The following CAPZB variants were observed in gnomAD, a reference collection of about 807,000 sequenced individuals.
The protein encoded by CAPZB is F-actin-capping protein subunit beta.
CAPZB carries 2 observed loss-of-function variants against 38.1 expected under a neutral mutation model. That is an observed-to-expected ratio of 0.05 (90% CI 0.02 to 0.17). CAPZB has a LOEUF of 0.17. Among genes scored for constraint, CAPZB ranks in the 10% least tolerant of loss-of-function variants. The probability of loss-of-function intolerance (pLI) is 1.00; values close to 1 mark genes in which losing one functional copy is unlikely to be tolerated. For synonymous variants in CAPZB, 107 were observed against 127.4 expected, an observed-to-expected ratio of 0.84 and a Z score of 1.08; for missense variants, 161 against 334.2, an observed-to-expected ratio of 0.48 and a Z score of 4.04.
chr1:19,365,782 C>T (rs1488975349), intron 4 of CAPZB, among the ~76,000 whole-genome samples: 1 of 151,500 alleles, frequency 6.6e-6, no homozygotes, highest in African/African-American at 2.4e-5. Flanking sequence ...TGCGGTGAGC[C>T]GAGATCATGC....
At chr1:19,354,037 A>T (rs751306926) in intron 6 of CAPZB, among the ~76,000 whole-genome samples, 5 of 152,228 alleles carry the variant, frequency 3.3e-5, no homozygotes, top group African/African-American at 4.8e-5. Context: ...GGCACAGAGG[A>T]CGAATTAAGA....
intron 4 of CAPZB, among the ~76,000 whole-genome samples, chr1:19,373,438 A>G (rs1250357042): frequency 6.6e-6 from 1 of 152,190 alleles, no homozygotes; most frequent in Admixed American, 6.5e-5. Flanking sequence ...AACTCCCTAC[A>G]AAGTCAGAGC....
chr1:19,439,989 C>T (rs999558881), intron 1 of CAPZB, among the ~76,000 whole-genome samples: 7 of 152,266 alleles, frequency 4.6e-5, no homozygotes, highest in East Asian at 3.9e-4. Flanking sequence ...ACAAAGAGAG[C>T]GGGACAGGAC....
intron 4 of CAPZB, among the ~76,000 whole-genome samples, chr1:19,363,743 G>A (rs1490566704): frequency 1.3e-5 from 2 of 152,108 alleles, no homozygotes; most frequent in Non-Finnish European, 2.9e-5. Flanking sequence ...GGCCAACACG[G>A]GGCTGCAAAT....
At chr1:19,375,860 C>A (rs1320270905) in intron 4 of CAPZB, among the ~76,000 whole-genome samples, 4 of 152,196 alleles carry the variant, frequency 2.6e-5, no homozygotes, top group Non-Finnish European at 4.4e-5. Flanking sequence ...TCCCACTTGT[C>A]CTATAGTCAC....
At chr1:19,447,272 C>CTTTTTTTTT (rs35692222) in intron 1 of CAPZB, among the ~76,000 whole-genome samples, 7 of 74,888 alleles carry the variant, frequency 9.3e-5, no homozygotes, top group East Asian at 4.5e-4. Flanking sequence ...CAGACCTAAT[C>CTTTTTTTTT]TTTTTTTTTT....
Position 19,461,343 on chromosome 1 carries a change from T to C in CAPZB, c.3+24093A>G, listed in dbSNP as rs570879685. Among the ~76,000 whole-genome samples, 46 of 152,332 alleles carry C rather than the reference T, an allele frequency of 3.0e-4. No homozygotes were observed. The South Asian group carries it at 9.1e-3, about 30-fold the overall frequency. On this transcript the variant is annotated intron_variant, in intron 1 of 8. Transcript: ENST00000264202. ...AGCATAGGTCACACAGAGGGACAACTGAACGTTGTAGGACCAGGCTCTGCC... is the reference window on the plus strand; with the variant it reads ...AGCATAGGTCACACAGAGGGACAACCGAACGTTGTAGGACCAGGCTCTGCC...
At chr1:19,484,916 C>T (rs1284855705) in intron 1 of CAPZB, among the ~76,000 whole-genome samples, 4 of 152,118 alleles carry the variant, frequency 2.6e-5, no homozygotes, top group Admixed American at 1.3e-4. Context: ...AAACCTAGGC[C>T]GCTGCAGAAG....
In CAPZB at chr1:19,349,822, G is replaced by C. The variant is rs777273842; in HGVS notation, c.589-4570C>G. On this transcript the variant is annotated intron_variant, in intron 6 of 8. Coordinates refer to ENST00000264202, the MANE Select transcript of CAPZB (RefSeq NM_004930.5). ...TTGGGGAGTGAGGGGCACAGGGCTC[G>C]GTGCACCCGGCCGTATTTCCACAGC... 3.3e-5 allele frequency among the ~76,000 whole-genome samples: 5 copies of C among 152,218 alleles called. No homozygotes were observed. The East Asian group carries it at 9.6e-4, about 29-fold the overall frequency.
intron 1 of CAPZB, among the ~76,000 whole-genome samples, chr1:19,425,399 A>T (rs933860575): frequency 1.3e-5 from 2 of 152,170 alleles, no homozygotes; most frequent in Admixed American, 1.3e-4. Flanking sequence ...GTGAACATAA[A>T]AGTCTCTGCT....
intron 1 of CAPZB, chr1:19,448,793 T>C (rs763077777): frequency 2.0e-5 from 33 of 1,610,970 alleles, no homozygotes; most frequent in Non-Finnish European, 2.6e-5. Flanking sequence ...CACGGCCACC[T>C]GTTGCTCCTC....
chr1:19,366,635 T>C (rs1392764801), intron 4 of CAPZB, among the ~76,000 whole-genome samples: 1 of 151,932 alleles, frequency 6.6e-6, no homozygotes, highest in East Asian at 1.9e-4. Flanking sequence ...TTATAGTGCC[T>C]TGAGATGGCG....
chr1:19,418,789 T>C (rs183700688), intron 2 of CAPZB, among the ~76,000 whole-genome samples: 9 of 152,280 alleles, frequency 5.9e-5, no homozygotes, highest in Admixed American at 2.0e-4. Flanking sequence ...ATGCATACAA[T>C]GGAATTAAAT....
chr1:19,452,354 G>A (rs1328027478), intron 1 of CAPZB, among the ~76,000 whole-genome samples: 1 of 152,230 alleles, frequency 6.6e-6, no homozygotes, highest in Admixed American at 6.5e-5. Flanking sequence ...ATAGGCTCCA[G>A]GGGAGCAAAG....
intron 8 of CAPZB, chr1:19,342,998 G>A: frequency 1.5e-6 from 1 of 675,920 alleles, no homozygotes; most frequent in Admixed American, 2.1e-5. Context: ...TGGCGGCTCT[G>A]GGGTGTGGAG....
intron 4 of CAPZB, among the ~76,000 whole-genome samples, chr1:19,376,315 A>G (rs574491136): frequency 1.6e-4 from 25 of 152,340 alleles, no homozygotes; most frequent in Middle Eastern, 3.4e-3. Context: ...TCAAGGGGGA[A>G]CTTTCCACTT....
chr1:19,449,693 G>T (rs1249145724), intron 1 of CAPZB, among the ~76,000 whole-genome samples: 2 of 150,724 alleles, frequency 1.3e-5, no homozygotes, highest in Non-Finnish European at 2.9e-5. Flanking sequence ...GCTGAGGCAT[G>T]AGAAACCTTG....
At chr1:19,362,826 C>A (rs1179807238) in intron 4 of CAPZB, among the ~76,000 whole-genome samples, 3 of 152,078 alleles carry the variant, frequency 2.0e-5, no homozygotes, top group African/African-American at 7.2e-5. Flanking sequence ...GTGGCCAGGA[C>A]AACACAGGGA....
chr1:19,466,856 T>C (rs1187319625), intron 1 of CAPZB, among the ~76,000 whole-genome samples: 1 of 152,260 alleles, frequency 6.6e-6, no homozygotes, highest in African/African-American at 2.4e-5. Context: ...TGTAGATGTT[T>C]CTGCTTACGA....
Sources: allele counts gnomAD v4.1 joint callset (sites outside exome capture counted in the v4.1 genomes callset), GRCh38; gene constraint gnomAD v4.1.1; transcripts MANE v1.5; gene names NCBI Gene and HGNC (gene_info 2026-07-23, HGNC 2026-07-21).